The following B4GALT1 variants were observed in gnomAD, a reference collection of about 807,000 sequenced individuals.
B4GALT1 encodes N-acetyllactosamine synthase.
B4GALT1 carries 16 observed loss-of-function variants against 34.9 expected under a neutral mutation model. The observed-to-expected ratio is 0.46, with a 90% CI of 0.31 to 0.70. B4GALT1 has a LOEUF of 0.70. B4GALT1 is among the 30% of genes least tolerant of loss of function. B4GALT1 has a pLI of 0.05. For synonymous variants in B4GALT1, 221 were observed against 218.1 expected (o/e 1.01, Z -0.12); for missense variants, 445 against 530.5 (o/e 0.84, Z 1.58).
chr9:33,167,370 G>T, upstream of B4GALT1: 1 of 595,938 alleles, frequency 1.7e-6, no homozygotes, highest in Non-Finnish European at 2.5e-6. Flanking sequence ...GGCGGAGAGG[G>T]GAGGGGCGGG....
At chr9:33,183,455 T>TA in the B4GALT1 span, among the ~76,000 whole-genome samples, 1 of 140,522 alleles carries the variant, frequency 7.1e-6, no homozygotes, top group Non-Finnish European at 1.5e-5. Flanking sequence ...TATGCAGCCA[T>TA]AAAAAATGAT....
intron 1 of B4GALT1, among the ~76,000 whole-genome samples, chr9:33,139,049 C>A (rs192920752): frequency 6.6e-6 from 1 of 152,182 alleles, no homozygotes; most frequent in Non-Finnish European, 1.5e-5. Flanking sequence ...AGAAGCCGAT[C>A]GAGCACCAAG....
At chr9:33,167,919 C>T (rs889678191), upstream of B4GALT1, among the ~76,000 whole-genome samples, 4 of 152,220 alleles carry the variant, frequency 2.6e-5, no homozygotes, top group African/African-American at 9.6e-5. Flanking sequence ...GGGGGTCCTG[C>T]GGCAAAGAAA....
At chr9:33,124,306 G>T (rs1267826725) in intron 2 of B4GALT1, among the ~76,000 whole-genome samples, 1 of 152,098 alleles carries the variant, frequency 6.6e-6, no homozygotes, top group Non-Finnish European at 1.5e-5. Flanking sequence ...CCCTCCATTT[G>T]CTCAAGTAAA....
At chr9:33,165,956 T>G (rs760384521) in intron 1 of B4GALT1, among the ~76,000 whole-genome samples, 2 of 152,154 alleles carry the variant, frequency 1.3e-5, no homozygotes, top group Non-Finnish European at 2.9e-5. Flanking sequence ...ATGGGCAACG[T>G]GGTGTTGACT....
At chr9:33,181,937 GCTT>G in the B4GALT1 span, among the ~76,000 whole-genome samples, 13,848 of 148,532 alleles carry the variant, frequency 0.093, 1,146 homozygotes, top group African/African-American at 0.23. Context: ...GCAGGGACAG[GCTT>G]CTTCTTCTTT....
intron 1 of B4GALT1, among the ~76,000 whole-genome samples, chr9:33,153,912 C>G (rs544753797): frequency 3.4e-5 from 5 of 148,040 alleles, no homozygotes; most frequent in African/African-American, 1.3e-4. Flanking sequence ...CGAAAGAAAA[C>G]GAACAGACCT....
chr9:33,129,627 G>A (rs149289342), intron 2 of B4GALT1, among the ~76,000 whole-genome samples: 213 of 152,342 alleles, frequency 1.4e-3, no homozygotes, highest in African/African-American at 5.0e-3. Flanking sequence ...AAGGGAGGCA[G>A]ACATGAGGGA....
intron 3 of B4GALT1, among the ~76,000 whole-genome samples, chr9:33,118,518 A>C (rs1482923688): frequency 6.7e-6 from 1 of 149,842 alleles, no homozygotes; most frequent in African/African-American, 2.4e-5. Flanking sequence ...TTTTTTTTTT[A>C]AATCAGCCAG....
chr9:33,181,470 TAGATA>T, the B4GALT1 span, among the ~76,000 whole-genome samples: 1 of 115,448 alleles, frequency 8.7e-6, no homozygotes, highest in Non-Finnish European at 1.9e-5. Flanking sequence ...AAACTATTCT[TAGATA>T]AGAGTGTAGT....
Position 33,163,438 on chromosome 9 carries a change from G to A in B4GALT1, c.412+3320C>T, listed in dbSNP as rs558199543. Among the ~76,000 whole-genome samples, 13 of 152,264 alleles carry A rather than the reference G, an allele frequency of 8.5e-5. No individual in the cohort carries two copies. The East Asian group carries it at 1.2e-3, about 14-fold the overall frequency. On this transcript the variant is annotated intron_variant, in intron 1 of 5. Transcript: ENST00000379731. ...CCTCAAAGCATAGGTGGGCAAGAGC[G>A]GCCTCTGAGGCTTAAGCAGTCTAAC...
At chr9:33,163,910 C>T (rs1037543089) in intron 1 of B4GALT1, among the ~76,000 whole-genome samples, 1 of 152,208 alleles carries the variant, frequency 6.6e-6, no homozygotes, top group Non-Finnish European at 1.5e-5. Flanking sequence ...TCACTCACTC[C>T]TGCAAGCCTC....
intron 1 of B4GALT1, among the ~76,000 whole-genome samples, chr9:33,145,305 T>C (rs1840409894): frequency 6.6e-6 from 1 of 152,080 alleles, no homozygotes; most frequent in South Asian, 2.1e-4. Flanking sequence ...ATAAAAATGG[T>C]GCATTTTCTT....
chr9:33,132,006 C>T (rs147206979), intron 2 of B4GALT1, among the ~76,000 whole-genome samples: 1 of 151,352 alleles, frequency 6.6e-6, no homozygotes, highest in Admixed American at 6.6e-5. Context: ...GAGATTGGAG[C>T]AGATGATAAG....
intron 2 of B4GALT1, among the ~76,000 whole-genome samples, chr9:33,134,324 C>T (rs780265504): frequency 2.6e-5 from 4 of 152,116 alleles, no homozygotes; most frequent in Non-Finnish European, 5.9e-5. Context: ...TAGAAATGGG[C>T]GTACTCAGAC....
At chr9:33,136,268 AG>A (rs1481020773) in intron 1 of B4GALT1, among the ~76,000 whole-genome samples, 1 of 152,300 alleles carries the variant, frequency 6.6e-6, no homozygotes, top group East Asian at 1.9e-4. Flanking sequence ...TTGCCTCAGA[AG>A]AAAAATGGAT....
chr9:33,113,830 C>T lies in B4GALT1; in HGVS notation c.1008G>A (p.Gly336=). The T allele has an allele frequency of 6.2e-7, 1 of 1,614,188 alleles. No individual in the cohort carries two copies. The highest frequency in any genetic ancestry group is 8.5e-7 in the Non-Finnish European group (1 of 1,180,040). The change falls in exon 5 of 6, where the codon GGG becomes GGA. Residue 336 remains glycine (G), a synonymous_variant. Coordinates refer to ENST00000379731, the MANE Select transcript of B4GALT1 (RefSeq NM_001497.4). ...TTGAGTGGCGGATCATGCGACACCT[C>T]CCGACCACAGCATTTGGGCGAGATA... ...MSISRPNAVV[G]RCRMIRHSRD... is the part of the protein sequence containing the mutation.
chr9:33,160,578 G>A (rs867486884), intron 1 of B4GALT1, among the ~76,000 whole-genome samples: 88 of 152,148 alleles, frequency 5.8e-4, no homozygotes, highest in African/African-American at 2.0e-3. Context: ...ACCAGCCTAG[G>A]CAACATGGCA....
At chr9:33,153,529 G>T (rs10813957) in intron 1 of B4GALT1, among the ~76,000 whole-genome samples, 38,895 of 151,894 alleles carry the variant, frequency 0.26, 5,335 homozygotes, top group East Asian at 0.53. Context: ...ATGAAAGAGG[G>T]ACTATCCCTA....
Sources: allele counts gnomAD v4.1 joint callset (sites outside exome capture counted in the v4.1 genomes callset), GRCh38; gene constraint gnomAD v4.1.1; transcripts MANE v1.5; gene names NCBI Gene and HGNC (gene_info 2026-07-23, HGNC 2026-07-21).